The following SLC4A4 variants were observed in gnomAD, a reference collection of about 807,000 sequenced individuals.
SLC4A4 encodes electrogenic sodium bicarbonate cotransporter 1.
In SLC4A4, 27 loss-of-function variants were observed where a neutral mutation model predicts 111.5. The observed-to-expected ratio is 0.24, with a 90% CI of 0.18 to 0.33. The LOEUF is 0.33. Among genes scored for constraint, SLC4A4 ranks in the 10% least tolerant of loss-of-function variants. The pLI, the probability that SLC4A4 is intolerant of heterozygous loss-of-function variation, is 1.00. For missense variants in SLC4A4, 909 were observed against 1,315.5 expected (o/e 0.69, Z 4.78); for synonymous variants, 443 against 463.4 (o/e 0.96, Z 0.57).
chr4:71,367,242 C>T (rs148373324), intron 6 of SLC4A4, among the ~76,000 whole-genome samples: 13 of 152,248 alleles, frequency 8.5e-5, no homozygotes, highest in African/African-American at 2.4e-4. Context: ...CCTCTACTCA[C>T]GTTAGAAGCA....
chr4:71,341,348 A>G (rs938411545), intron 4 of SLC4A4, among the ~76,000 whole-genome samples: 1 of 152,316 alleles, frequency 6.6e-6, no homozygotes, highest in Non-Finnish European at 1.5e-5. Context: ...AAACAAAGCA[A>G]AGATAGATGA....
chr4:71,428,738 G>A (rs1203456758), intron 7 of SLC4A4, among the ~76,000 whole-genome samples: 1 of 152,058 alleles, frequency 6.6e-6, no homozygotes, highest in Non-Finnish European at 1.5e-5. Context: ...ACAGGTGAAT[G>A]TTAGCATGTG....
intron 1 of SLC4A4, among the ~76,000 whole-genome samples, chr4:71,088,958 C>G (rs1023729754): frequency 2.6e-5 from 4 of 152,048 alleles, no homozygotes; most frequent in African/African-American, 9.7e-5. Flanking sequence ...ACCTGCCTTG[C>G]TAGATTGGGG....
chr4:71,544,092 A>G (rs1405628431), intron 18 of SLC4A4, among the ~76,000 whole-genome samples: 1 of 152,116 alleles, frequency 6.6e-6, no homozygotes. Flanking sequence ...TGTCAAAGAC[A>G]GATGAATACA....
intron 13 of SLC4A4, among the ~76,000 whole-genome samples, chr4:71,468,362 A>T (rs1450054692): frequency 6.6e-6 from 1 of 152,138 alleles, no homozygotes; most frequent in Non-Finnish European, 1.5e-5. Flanking sequence ...AAATGTGATC[A>T]GAGCCTTAAT....
intron 2 of SLC4A4, among the ~76,000 whole-genome samples, chr4:71,115,547 C>T (rs1422243795): frequency 6.6e-6 from 1 of 152,096 alleles, no homozygotes; most frequent in East Asian, 1.9e-4. Flanking sequence ...TAATGTGTGT[C>T]TTCATAATAA....
intron 1 of SLC4A4, among the ~76,000 whole-genome samples, chr4:71,193,203 A>G (rs2148996170): frequency 6.6e-6 from 1 of 152,328 alleles, no homozygotes; most frequent in South Asian, 2.1e-4. Context: ...TCTGTCGCCC[A>G]GGCTGGAGTG....
At chr4:71,506,930 G>A (rs1461161260) in intron 16 of SLC4A4, among the ~76,000 whole-genome samples, 1 of 151,984 alleles carries the variant, frequency 6.6e-6, no homozygotes, top group Non-Finnish European at 1.5e-5. Context: ...AAGAGATTGG[G>A]GGCCAATATT....
intron 6 of SLC4A4, among the ~76,000 whole-genome samples, chr4:71,375,550 G>A (rs1012162366): frequency 2.1e-4 from 32 of 152,080 alleles, no homozygotes; most frequent in Admixed American, 1.1e-3. Flanking sequence ...GCTCTTTACT[G>A]ACCTTGAACT....
In SLC4A4 at chr4:71,156,588, G is replaced by GCGCGCACACACA. The variant is rs376043069; in HGVS notation, c.-2+63797_-2+63798insGCGCACACACAC. Among the ~76,000 whole-genome samples the GCGCGCACACACA allele has an allele frequency of 9.7e-3, 1,348 of 138,376 alleles. 19 individuals are homozygous for GCGCGCACACACA. Among genetic ancestry groups the GCGCGCACACACA allele is most frequent in the South Asian group, 0.03 (110 of 3,706 alleles). 90.8% of individuals were successfully genotyped at this position (138,376 alleles called of 152,430 possible). A position where few individuals can be genotyped will look rare whatever the true frequency, so the allele number is the denominator to read the frequency against. On this transcript the variant is annotated intron_variant, in intron 2 of 26. Transcript: ENST00000649996. ...TGTGCGCGCATGCGCGCGCGCGCGCGCACACACACACACACACACACACAC... is the reference window on the plus strand; with the variant it reads ...TGTGCGCGCATGCGCGCGCGCGCGCGCGCGCACACACACACACACACACACACACACACACAC...
intron 3 of SLC4A4, among the ~76,000 whole-genome samples, chr4:71,338,149 A>G (rs1337522191): frequency 6.6e-6 from 1 of 152,072 alleles, no homozygotes; most frequent in Non-Finnish European, 1.5e-5. Context: ...TGACATTTTA[A>G]TAGGTGAAAC....
intron 3 of SLC4A4, among the ~76,000 whole-genome samples, chr4:71,280,214 T>C (rs1207665797): frequency 1.3e-5 from 2 of 152,262 alleles, no homozygotes; most frequent in Non-Finnish European, 2.9e-5. Context: ...TTGTATGTCT[T>C]CTTTTGAGAA....
At chr4:71,385,440 C>T (rs1024341698) in intron 6 of SLC4A4, among the ~76,000 whole-genome samples, 5 of 151,546 alleles carry the variant, frequency 3.3e-5, no homozygotes, top group South Asian at 2.1e-4. Flanking sequence ...TCAGGCAATC[C>T]GCCCACCTCA....
intron 14 of SLC4A4, among the ~76,000 whole-genome samples, chr4:71,480,758 G>A (rs140529674): frequency 1.5e-4 from 23 of 151,750 alleles, no homozygotes; most frequent in African/African-American, 4.6e-4. Flanking sequence ...TGTTCACATC[G>A]GGTTAATCAG....
chr4:71,134,651 G>A (rs774909348), intron 2 of SLC4A4, among the ~76,000 whole-genome samples: 248 of 152,172 alleles, frequency 1.6e-3, no homozygotes, highest in Non-Finnish European at 3.0e-3. Context: ...AGCCCCAGAG[G>A]CCAGGGATTC....
intron 5 of SLC4A4, among the ~76,000 whole-genome samples, chr4:71,351,652 C>T (rs1225758830): frequency 2.0e-5 from 3 of 152,114 alleles, no homozygotes; most frequent in Non-Finnish European, 4.4e-5. Flanking sequence ...GTCAGGAGTT[C>T]GAGACCAGTC....
At chr4:71,315,826 A>C (rs1235504950) in intron 3 of SLC4A4, among the ~76,000 whole-genome samples, 1 of 152,170 alleles carries the variant, frequency 6.6e-6, no homozygotes, top group Non-Finnish European at 1.5e-5. Context: ...GTAACATGGA[A>C]GATTTAATGA....
At chr4:71,258,847 G>A (rs1721644709) in intron 3 of SLC4A4, among the ~76,000 whole-genome samples, 1 of 152,196 alleles carries the variant, frequency 6.6e-6, no homozygotes, top group African/African-American at 2.4e-5. Flanking sequence ...TCCCAAGTGT[G>A]TGCAGCTGCT....
chr4:71,313,145 G>A (rs568632556), intron 3 of SLC4A4, among the ~76,000 whole-genome samples: 31 of 152,166 alleles, frequency 2.0e-4, no homozygotes, highest in Non-Finnish European at 4.1e-4. Flanking sequence ...TAGACAAACA[G>A]AGAGTCAAAT....
Sources: allele counts gnomAD v4.1 joint callset (sites outside exome capture counted in the v4.1 genomes callset), GRCh38; gene constraint gnomAD v4.1.1; transcripts MANE v1.5; gene names NCBI Gene and HGNC (gene_info 2026-07-23, HGNC 2026-07-21).